The following EMP2 variants were observed in gnomAD, a reference collection of about 807,000 sequenced individuals.
The protein encoded by EMP2 is epithelial membrane protein 2.
In EMP2, 19 loss-of-function variants were observed where a neutral mutation model predicts 13.7. The observed-to-expected ratio is 1.38, with a 90% CI of 0.97 to 2.03. The LOEUF (loss-of-function observed/expected upper bound fraction) is 2.03. Among genes scored for constraint, EMP2 ranks in the 30% most tolerant of loss-of-function variants. The pLI, the probability that EMP2 is intolerant of heterozygous loss-of-function variation, is 0.00. For missense variants in EMP2, 253 were observed against 220.7 expected (o/e 1.15, Z -0.93); for synonymous variants, 97 against 84.7 (o/e 1.15, Z -0.80).
At chr16:10,548,084 G>A (rs1188622163) in intron 1 of EMP2, among the ~76,000 whole-genome samples, 1 of 152,102 alleles carries the variant, frequency 6.6e-6, no homozygotes. Flanking sequence ...CAAAAACAGT[G>A]CTCCCCATCT....
At chr16:10,557,725 C>A (rs1277738642) in intron 1 of EMP2, among the ~76,000 whole-genome samples, 2 of 152,050 alleles carry the variant, frequency 1.3e-5, no homozygotes, top group African/African-American at 4.8e-5. Context: ...GATTCAAGGC[C>A]TGAATACTCC....
intron 1 of EMP2, among the ~76,000 whole-genome samples, chr16:10,564,201 G>T (rs1402782284): frequency 1.3e-5 from 2 of 152,172 alleles, no homozygotes; most frequent in African/African-American, 4.8e-5. Flanking sequence ...TTATGGAAAG[G>T]TAATTCTGGC....
rs1044357852 is a variant in EMP2, at chr16:10,566,401, T to C, written c.-61+14148A>G. On this transcript the variant is annotated intron_variant, in intron 1 of 4. Coordinates refer to ENST00000359543, the MANE Select transcript of EMP2 (RefSeq NM_001424.6). Reference sequence around the variant, plus strand: ...CTGTTGCCTGCCATAGGAACTAAGCTGCAGACCTGCTCTAAGTTAAAGAGG... The same window carrying C: ...CTGTTGCCTGCCATAGGAACTAAGCCGCAGACCTGCTCTAAGTTAAAGAGG... Among the ~76,000 whole-genome samples, 6 of 152,330 alleles carry C rather than the reference T, an allele frequency of 3.9e-5. No individual in the cohort carries two copies. In the East Asian group the frequency reaches 9.6e-4, roughly 24 times the overall value.
At chr16:10,540,403 G>C (rs2050685380) in intron 3 of EMP2, among the ~76,000 whole-genome samples, 1 of 152,090 alleles carries the variant, frequency 6.6e-6, no homozygotes. Context: ...CTACTTGGGA[G>C]TTTGAGGCAG....
chr16:10,572,442 G>A (rs185553333), intron 1 of EMP2, among the ~76,000 whole-genome samples: 2 of 145,222 alleles, frequency 1.4e-5, no homozygotes, highest in African/African-American at 4.9e-5. Flanking sequence ...GCGAGATCCT[G>A]TCTCAAAAAA....
chr16:10,532,870 C>T lies in EMP2; in HGVS notation c.*35G>A, dbSNP rs2050617741. 8.3e-7 allele frequency: 1 copy of T among 1,209,714 alleles called. No homozygotes were observed. The highest frequency in any genetic ancestry group is 1.0e-6 in the Non-Finnish European group (1 of 952,430). The allele number at this position is 1,209,714 out of a possible 1,614,324, so 74.9% of individuals were successfully genotyped here. ...CAAAATGGTTATCTGAATGTGGATT[C>T]TGTACTGCAGCAGAAGCAACCCAGC... On this transcript the variant is annotated 3_prime_UTR_variant, in exon 5 of 5. Coordinates refer to ENST00000359543, the MANE Select transcript of EMP2 (RefSeq NM_001424.6).
intron 1 of EMP2, chr16:10,576,560 A>C (rs2279866): frequency 3.3e-5 from 5 of 151,590 alleles, no homozygotes; most frequent in Admixed American, 2.0e-4. Context: ...GTCAAATATC[A>C]CCCTGGTGAC....
At chr16:10,577,150 C>T (rs1403947159) in intron 1 of EMP2, among the ~76,000 whole-genome samples, 4 of 152,208 alleles carry the variant, frequency 2.6e-5, no homozygotes, top group Non-Finnish European at 1.5e-5. Flanking sequence ...GCAAGTCACT[C>T]CACCTCTCTG....
At chr16:10,576,180 T>C (rs2050983101) in intron 1 of EMP2, among the ~76,000 whole-genome samples, 1 of 152,020 alleles carries the variant, frequency 6.6e-6, no homozygotes, top group African/African-American at 2.4e-5. Context: ...TTTCCCCCAA[T>C]ACCAATCAAG....
At chr16:10,547,731 A>G in intron 1 of EMP2, 54 bp from the exon 2 acceptor site, 1 of 1,067,160 alleles carries the variant, frequency 9.4e-7, no homozygotes, top group Non-Finnish European at 1.4e-6. Context: ...AAACAAAATT[A>G]CAATAAAAAA....
At position 10,536,510 on chromosome 16, in the gene EMP2, T is replaced by C. The variant is rs116647309; in HGVS notation, c.316+1418A>G. On this transcript the variant is annotated intron_variant, in intron 4 of 4. Coordinates refer to ENST00000359543, the MANE Select transcript of EMP2 (RefSeq NM_001424.6). ...TGGGAGTTCCCCTGCACACGCTCTC[T>C]TTCCCGCTGCCATGTAAGCCCTTTT... Among the ~76,000 whole-genome samples, 520 of 152,328 alleles carry C rather than the reference T, an allele frequency of 3.4e-3. 5 individuals carry two copies. Among genetic ancestry groups the C allele is most frequent in the African/African-American group, 0.012 (501 of 41,572 alleles).
rs570174826 is a variant in EMP2 at position 10,571,213 on chromosome 16, C to T, written c.-61+9336G>A. ...CGGCGGCTGCAGTGAGCTGAGATCGCGCCACTGCACTCCAGCCTGGTGACA... is the reference window on the plus strand; with the variant it reads ...CGGCGGCTGCAGTGAGCTGAGATCGTGCCACTGCACTCCAGCCTGGTGACA... On this transcript the variant is annotated intron_variant, in intron 1 of 4. Transcript: ENST00000359543. Among the ~76,000 whole-genome samples the T allele has an allele frequency of 2.2e-4, 31 of 138,046 alleles. No individual in the cohort carries two copies. In the South Asian group the frequency reaches 6.2e-3, roughly 28 times the overall value. The allele number at this position is 138,046 out of a possible 152,430, so 90.6% of individuals were successfully genotyped here.
intron 1 of EMP2, among the ~76,000 whole-genome samples, chr16:10,569,960 G>A (rs1331716786): frequency 2.6e-5 from 4 of 152,148 alleles, no homozygotes; most frequent in Non-Finnish European, 4.4e-5. Flanking sequence ...TGACTTCTCA[G>A]GGCTTCCAAA....
chr16:10,568,056 C>G (rs2050921090), intron 1 of EMP2, among the ~76,000 whole-genome samples: 1 of 152,170 alleles, frequency 6.6e-6, no homozygotes, highest in African/African-American at 2.4e-5. Flanking sequence ...GGAAGACAGA[C>G]ACAGAAAACA....
chr16:10,573,930 CTTTTTTTTT>C (rs371646297), intron 1 of EMP2, among the ~76,000 whole-genome samples: 1 of 83,172 alleles, frequency 1.2e-5, no homozygotes, highest in African/African-American at 5.1e-5. Context: ...ATGGATAAAC[CTTTTTTTTT>C]TTTTTTTTTT....
intron 1 of EMP2, among the ~76,000 whole-genome samples, chr16:10,549,777 T>A (rs906360283): frequency 1.1e-4 from 17 of 151,836 alleles, no homozygotes; most frequent in African/African-American, 4.1e-4. Context: ...TCTGAACCAC[T>A]TGAGAGTAAG....
At chr16:10,558,495 G>A (rs926018150) in intron 1 of EMP2, among the ~76,000 whole-genome samples, 5 of 152,052 alleles carry the variant, frequency 3.3e-5, no homozygotes, top group Admixed American at 3.3e-4. Context: ...GTGTGTGTGT[G>A]TGTGTGTGTG....
chr16:10,567,802 C>T (rs926565949), intron 1 of EMP2, among the ~76,000 whole-genome samples: 5 of 152,180 alleles, frequency 3.3e-5, no homozygotes. Context: ...CCGCTGTGAG[C>T]AGCATGAAAT....
intron 1 of EMP2, among the ~76,000 whole-genome samples, chr16:10,552,925 T>C (rs930501787): frequency 2.0e-5 from 3 of 152,192 alleles, no homozygotes; most frequent in Non-Finnish European, 4.4e-5. Context: ...GTAAGGTTTC[T>C]AGTACATGTA....
Sources: allele counts gnomAD v4.1 joint callset (sites outside exome capture counted in the v4.1 genomes callset), GRCh38; gene constraint gnomAD v4.1.1; transcripts MANE v1.5; gene names NCBI Gene and HGNC (gene_info 2026-07-23, HGNC 2026-07-21).